Variants in STON1 observed in about 807,000 individuals in gnomAD.
STON1 encodes stonin 1, also known as stonin-1.
A neutral mutation model predicts 60.9 loss-of-function variants in STON1; 79 were observed. The observed-to-expected ratio is 1.30, with a 90% CI of 1.08 to 1.56. The LOEUF is 1.56. Ranked by LOEUF, STON1 falls within the 40% of genes most tolerant of loss-of-function variation. The pLI, the probability that STON1 is intolerant of heterozygous loss-of-function variation, is 0.00. For synonymous variants in STON1, 363 were observed against 306.9 expected (o/e 1.18, Z -1.91); for missense variants, 1,166 against 858.9 (o/e 1.36, Z -4.47).
chr2:48,569,837 C>G (rs1239756593), intron 1 of STON1, among the ~76,000 whole-genome samples: 2 of 152,154 alleles, frequency 1.3e-5, no homozygotes, highest in African/African-American at 4.8e-5. Context: ...GTATTTGCAT[C>G]CCCAAATCTA....
In STON1 at chr2:48,592,575, C is replaced by G. The variant is rs540586284; in HGVS notation, c.2133+720C>G. Among the ~76,000 whole-genome samples the G allele has an allele frequency of 5.0e-3, 749 of 148,460 alleles. 5 individuals are homozygous for G. The highest frequency in any genetic ancestry group is 0.014 in the African/African-American group (574 of 40,448). On this transcript the variant is annotated intron_variant, in intron 3 of 3. Coordinates refer to ENST00000404752, the MANE Select transcript of STON1 (RefSeq NM_006873.4). Reference sequence around the variant, plus strand: ...GCCTCTCAAGTAACTGGGATTACAGCCACCCACCACCACACCCAGCTATTA... The same window carrying G: ...GCCTCTCAAGTAACTGGGATTACAGGCACCCACCACCACACCCAGCTATTA...
chr2:48,557,004 G>A (rs1357404334), intron 1 of STON1, among the ~76,000 whole-genome samples: 1 of 83,748 alleles, frequency 1.2e-5, no homozygotes, highest in Non-Finnish European at 2.5e-5. Context: ...TGGACGGCAC[G>A]GCTGCCCGGG....
chr2:48,575,988 T>C (rs1317088842), intron 1 of STON1, among the ~76,000 whole-genome samples: 1 of 151,344 alleles, frequency 6.6e-6, no homozygotes, highest in Non-Finnish European at 1.5e-5. Flanking sequence ...GAACTCCTGG[T>C]CTTAGGTGAT....
At chr2:48,564,369 A>G (rs981136958) in intron 1 of STON1, among the ~76,000 whole-genome samples, 1 of 151,418 alleles carries the variant, frequency 6.6e-6, no homozygotes, top group African/African-American at 2.4e-5. Flanking sequence ...CATGGCAGAA[A>G]GAGAGTGAGC....
chr2:48,598,093 T>C lies in STON1; in HGVS notation c.*2791T>C, dbSNP rs557994478. Reference sequence around the variant, plus strand: ...TGACTAGTCTGGTCACCTTTCCAGTTACAGGATCATATTAACTGTGTAAAT... The same window carrying C: ...TGACTAGTCTGGTCACCTTTCCAGTCACAGGATCATATTAACTGTGTAAAT... On this transcript the variant is annotated 3_prime_UTR_variant, in exon 4 of 4. Transcript: ENST00000404752. The C allele has an allele frequency of 2.0e-5, 3 of 152,338 alleles. No individual in the cohort carries two copies. The South Asian group carries it at 6.2e-4, about 32-fold the overall frequency. The allele number at this position is 152,338 out of a possible 1,614,324, so 9.4% of individuals were successfully genotyped here. A position where few individuals can be genotyped will look rare whatever the true frequency, so the allele number is the denominator to read the frequency against.
At chr2:48,544,905 C>T (rs1325039888) in intron 1 of STON1, among the ~76,000 whole-genome samples, 1 of 152,178 alleles carries the variant, frequency 6.6e-6, no homozygotes. Context: ...TTAACACGAA[C>T]GTAGAGAAAA....
chr2:48,584,720 T>G (rs1674102018), intron 2 of STON1, among the ~76,000 whole-genome samples: 1 of 152,088 alleles, frequency 6.6e-6, no homozygotes, highest in South Asian at 2.1e-4. Context: ...AGATACAAGG[T>G]GTAGCCAGAG....
chr2:48,588,476 A>C (rs1356228775), intron 2 of STON1, among the ~76,000 whole-genome samples: 1 of 152,106 alleles, frequency 6.6e-6, no homozygotes, highest in Non-Finnish European at 1.5e-5. Flanking sequence ...TCAGCCTCCC[A>C]AGTAGCTGGG....
At chr2:48,555,361 G>T (rs1227766651) in intron 1 of STON1, among the ~76,000 whole-genome samples, 1 of 52,038 alleles carries the variant, frequency 1.9e-5, no homozygotes, top group Non-Finnish European at 4.1e-5. Flanking sequence ...GCGGCTGGCC[G>T]GGCAGAGGGG....
intron 1 of STON1, among the ~76,000 whole-genome samples, chr2:48,571,192 G>A (rs1165443145): frequency 3.9e-5 from 6 of 152,190 alleles, no homozygotes; most frequent in Non-Finnish European, 7.3e-5. Context: ...TCCTCTAGGA[G>A]TTTGCAGGGT....
intron 1 of STON1, among the ~76,000 whole-genome samples, chr2:48,550,269 G>T (rs926949373): frequency 1.3e-4 from 20 of 152,040 alleles, no homozygotes; most frequent in African/African-American, 4.6e-4. Context: ...AGGCTGAGGG[G>T]AGTGGATCAC....
At chr2:48,553,359 C>T (rs1199647994) in intron 1 of STON1, among the ~76,000 whole-genome samples, 3 of 151,482 alleles carry the variant, frequency 2.0e-5, no homozygotes, top group African/African-American at 4.9e-5. Flanking sequence ...CCCTTCCCTT[C>T]CCTTCTCTTC....
At chr2:48,560,736 C>T (rs750934522) in intron 1 of STON1, among the ~76,000 whole-genome samples, 3 of 152,188 alleles carry the variant, frequency 2.0e-5, no homozygotes, top group East Asian at 1.9e-4. Context: ...GCTGCAGAAA[C>T]CCAGGAGCTG....
chr2:48,559,497 C>A (rs1230945457), intron 1 of STON1, among the ~76,000 whole-genome samples: 3 of 152,148 alleles, frequency 2.0e-5, no homozygotes, highest in Non-Finnish European at 2.9e-5. Context: ...ATGACCTAAT[C>A]ACCTCCCAAA....
chr2:48,558,913 G>C (rs1672497298), intron 1 of STON1, among the ~76,000 whole-genome samples: 1 of 152,194 alleles, frequency 6.6e-6, no homozygotes, highest in East Asian at 1.9e-4. Flanking sequence ...CATCTATACA[G>C]GTTGAGTGTC....
rs555689073 is a variant in STON1 at position 48,538,124 on chromosome 2, A to G, written c.-48+7908A>G. On this transcript the variant is annotated intron_variant, in intron 1 of 3. Transcript: ENST00000404752. Reference sequence around the variant, plus strand: ...ACGCGCCACCACGTGGGCCCAGCTAATTTTTTGTATTTTTAGTAGAGATGG... The same window carrying G: ...ACGCGCCACCACGTGGGCCCAGCTAGTTTTTTGTATTTTTAGTAGAGATGG... Among the ~76,000 whole-genome samples the G allele has an allele frequency of 3.0e-4, 46 of 151,652 alleles. 1 individual carries two copies. The South Asian group carries it at 3.1e-3, about 10-fold the overall frequency.
chr2:48,571,688 G>T (rs985079258), intron 1 of STON1, among the ~76,000 whole-genome samples: 1 of 152,184 alleles, frequency 6.6e-6, no homozygotes, highest in Admixed American at 6.5e-5. Context: ...TGGACAGGGT[G>T]TGGCCCCCTT....
At chr2:48,573,158 C>A (rs767119597) in intron 1 of STON1, among the ~76,000 whole-genome samples, 1 of 152,152 alleles carries the variant, frequency 6.6e-6, no homozygotes, top group Non-Finnish European at 1.5e-5. Flanking sequence ...GCCTTTCCCA[C>A]GGGCATGATT....
intron 2 of STON1, among the ~76,000 whole-genome samples, chr2:48,588,492 A>G (rs1674336008): frequency 2.0e-5 from 3 of 152,052 alleles, no homozygotes; most frequent in Non-Finnish European, 4.4e-5. Flanking sequence ...CTGGGACCAC[A>G]GCACGTGCCA....
Sources: allele counts gnomAD v4.1 joint callset (sites outside exome capture counted in the v4.1 genomes callset), GRCh38; gene constraint gnomAD v4.1.1; transcripts MANE v1.5; gene names NCBI Gene and HGNC (gene_info 2026-07-23, HGNC 2026-07-21).